The following GBF1 variants were observed in gnomAD, a reference collection of about 807,000 sequenced individuals.
GBF1 encodes the protein golgi brefeldin A resistant guanine nucleotide exchange factor 1.
In GBF1, 114 loss-of-function variants were observed where a neutral mutation model predicts 210.5. The observed-to-expected ratio is 0.54, with a 90% CI of 0.47 to 0.63. The LOEUF (loss-of-function observed/expected upper bound fraction) is 0.63. Ranked by LOEUF, GBF1 falls within the 30% of genes least tolerant of loss-of-function variation. The pLI is 0.00. For missense variants in GBF1, 1,851 were observed against 2,357.7 expected, an observed-to-expected ratio of 0.79 and a Z score of 4.45; for synonymous variants, 850 against 889.2, an observed-to-expected ratio of 0.96 and a Z score of 0.78.
chr10:102,382,539 TC>T lies in GBF1; in HGVS notation c.*205del. ...GTGGGACCTTTTTCCTCCTCTGCGC[TC>T]CATTCCTGGGGGTTCAGCCTGAGAG... On this transcript the variant is annotated 3_prime_UTR_variant, in exon 40 of 40. Coordinates refer to ENST00000369983, the MANE Select transcript of GBF1 (RefSeq NM_001377137.1). 1.9e-6 allele frequency: 1 copy of T among 530,580 alleles called. No individual in the cohort carries two copies. Among genetic ancestry groups the T allele is most frequent in the Non-Finnish European group, 3.3e-6 (1 of 302,494 alleles). The allele number at this position is 530,580 out of a possible 1,614,324, so 32.9% of individuals were successfully genotyped here. A position where few individuals can be genotyped will look rare whatever the true frequency, so the allele number is the denominator to read the frequency against.
intron 3 of GBF1, among the ~76,000 whole-genome samples, chr10:102,274,426 T>C (rs1341119850): frequency 6.6e-6 from 1 of 152,058 alleles, no homozygotes; most frequent in African/African-American, 2.4e-5. Flanking sequence ...GAATGTCTTA[T>C]AGTTGATTAG....
intron 3 of GBF1, among the ~76,000 whole-genome samples, chr10:102,276,243 A>G (rs1257784484): frequency 7.3e-6 from 1 of 136,432 alleles, no homozygotes; most frequent in Non-Finnish European, 1.6e-5. Context: ...TCTCCAAAAA[A>G]AGGCCTGGCG....
intron 24 of GBF1, 72 bp downstream of exon 24, chr10:102,369,459 GAAGT>G: frequency 8.1e-7 from 1 of 1,235,146 alleles, no homozygotes; most frequent in Non-Finnish European, 1.2e-6. Flanking sequence ...CCTGTACATA[GAAGT>G]AAGTGGTTGA....
intron 3 of GBF1, among the ~76,000 whole-genome samples, chr10:102,302,773 A>C (rs1350730871): frequency 6.6e-6 from 1 of 152,106 alleles, no homozygotes; most frequent in African/African-American, 2.4e-5. Context: ...TTTGATTGTC[A>C]TATCTCAGGC....
intron 3 of GBF1, among the ~76,000 whole-genome samples, chr10:102,312,714 TCTTCAG>T (rs1189728044): frequency 6.6e-6 from 1 of 152,198 alleles, no homozygotes; most frequent in Non-Finnish European, 1.5e-5. Flanking sequence ...TGTTTTGGTT[TCTTCAG>T]CAGATAGAGC....
At position 102,344,230 on chromosome 10, in the gene GBF1, C is replaced by G. The variant is rs752688592; in HGVS notation, c.295+48C>G. ...ATGACCACAGCACTTCATTTCCCAC[C>G]TTTCCTGGGGTGCCCAGGCCTTAGG... On this transcript the variant is annotated intron_variant, in intron 4 of 39. Transcript: ENST00000369983. The G allele has an allele frequency of 6.9e-6, 11 of 1,599,388 alleles. No homozygotes were observed. In the South Asian group the frequency reaches 1.0e-4, roughly 14 times the overall value.
intron 24 of GBF1, 130 bp downstream of exon 24, chr10:102,369,517 C>A: frequency 1.1e-6 from 1 of 874,502 alleles, no homozygotes; most frequent in Non-Finnish European, 1.8e-6. Context: ...ACCAGGAATG[C>A]CTCAAATGTA....
chr10:102,376,905 G>T (rs765328173), intron 32 of GBF1, 30 bp from the exon 33 acceptor site: 54 of 1,612,810 alleles, frequency 3.3e-5, no homozygotes, highest in Non-Finnish European at 4.6e-5. Flanking sequence ...TATAGACACA[G>T]AAATGTGACC....
Position 102,342,290 on chromosome 10 carries a change from G to A in GBF1, c.164-1761G>A, listed in dbSNP as rs182973259. On this transcript the variant is annotated intron_variant, in intron 3 of 39. Transcript: ENST00000369983. ...CTGACCTCGTGATGCGCCCGCCTCG[G>A]CCTCCCAAAGTGCTAGGATTACAGG... Among the ~76,000 whole-genome samples, 6 of 151,998 alleles carry A rather than the reference G, an allele frequency of 3.9e-5. No individual in the cohort carries two copies. In the East Asian group the frequency reaches 9.6e-4, roughly 24 times the overall value.
the GBF1 span, among the ~76,000 whole-genome samples, chr10:102,239,118 A>G: frequency 6.6e-6 from 1 of 152,144 alleles, no homozygotes; most frequent in African/African-American, 2.4e-5. Flanking sequence ...CCAGAGGACT[A>G]AACTTTGAAA....
chr10:102,367,259 A>T, intron 20 of GBF1, 49 bp downstream of exon 20: 1 of 1,593,286 alleles, frequency 6.3e-7, no homozygotes, highest in Admixed American at 1.7e-5. Flanking sequence ...ACAGCTTGGG[A>T]GGTAGCAGGA....
rs1294444227 is a variant in GBF1, at chr10:102,353,670, T to C, written c.639+16T>C. On this transcript the variant is annotated intron_variant, in intron 8 of 39. Coordinates refer to ENST00000369983, the MANE Select transcript of GBF1 (RefSeq NM_001377137.1). Reference sequence around the variant, plus strand: ...CATGAAGAAGGTATGATCTGAGAGCTGATCTGCTGTCCCTCATCCAAACCT... The same window carrying C: ...CATGAAGAAGGTATGATCTGAGAGCCGATCTGCTGTCCCTCATCCAAACCT... 1 of 1,589,060 alleles carries C rather than the reference T, an allele frequency of 6.3e-7. No individual in the cohort carries two copies. The highest frequency in any genetic ancestry group is 8.6e-7 in the Non-Finnish European group (1 of 1,157,124).
chr10:102,254,464 G>C (rs2072051310), intron 1 of GBF1, among the ~76,000 whole-genome samples: 1 of 152,118 alleles, frequency 6.6e-6, no homozygotes, highest in South Asian at 2.1e-4. Flanking sequence ...TATATTTTTG[G>C]TATTCCATTA....
rs775555910 is a variant in GBF1, at chr10:102,363,244, C to G, written c.1877-12C>G. 6.2e-7 allele frequency: 1 copy of G among 1,607,788 alleles called. No homozygotes were observed. Among genetic ancestry groups the G allele is most frequent in the Middle Eastern group, 1.7e-4 (1 of 6,036 alleles). On this transcript the variant is annotated splice_polypyrimidine_tract_variant and intron_variant, in intron 15 of 39. Transcript: ENST00000369983. The surrounding 1 kb of genome is among the most constrained non-coding windows in gnomAD (Gnocchi z 4.2). ...CCTATAAGTCTTCACGTATCTTCTT[C>G]TCTCTTACCAGCTGAGAGAACTGCC...
chr10:102,312,965 T>G (rs898554338), intron 3 of GBF1, among the ~76,000 whole-genome samples: 1 of 152,060 alleles, frequency 6.6e-6, no homozygotes, highest in East Asian at 1.9e-4. Context: ...ATGGTGAAAT[T>G]GGGGCTAAGG....
At chr10:102,331,537 A>G (rs2057332778) in intron 3 of GBF1, among the ~76,000 whole-genome samples, 1 of 151,850 alleles carries the variant, frequency 6.6e-6, no homozygotes, top group African/African-American at 2.4e-5. Flanking sequence ...TAGTCCCATC[A>G]CTTTGAGGGC....
At chr10:102,303,068 A>G (rs1589559551) in intron 3 of GBF1, among the ~76,000 whole-genome samples, 1 of 150,264 alleles carries the variant, frequency 6.7e-6, no homozygotes, top group Non-Finnish European at 1.5e-5. Context: ...ACTCACTGCA[A>G]CCTCCGCCTC....
chr10:102,289,080 G>T (rs2076224073), intron 3 of GBF1, among the ~76,000 whole-genome samples: 1 of 150,428 alleles, frequency 6.6e-6, no homozygotes, highest in South Asian at 2.1e-4. Context: ...TCCAGTCTGG[G>T]TGACAGAGCA....
At chr10:102,325,916 C>T (rs1209220853) in intron 3 of GBF1, among the ~76,000 whole-genome samples, 1 of 152,148 alleles carries the variant, frequency 6.6e-6, no homozygotes, top group Non-Finnish European at 1.5e-5. Context: ...TCCCAAAGTG[C>T]TGGGATTATA....
Sources: allele counts gnomAD v4.1 joint callset (sites outside exome capture counted in the v4.1 genomes callset), GRCh38; gene constraint gnomAD v4.1.1; non-coding constraint Gnocchi (gnomAD v3.1); transcripts MANE v1.5; gene names NCBI Gene and HGNC (gene_info 2026-07-23, HGNC 2026-07-21).